Variants in SCUBE2 observed in about 807,000 individuals in gnomAD.
The protein encoded by SCUBE2 is signal peptide, CUB domain and EGF like domain containing 2.
A neutral mutation model predicts 125.9 loss-of-function variants in SCUBE2; 114 were observed. The ratio of observed to expected loss-of-function variants is 0.91; its 90% CI spans 0.78 to 1.06. SCUBE2 has a LOEUF of 1.06. Among genes scored for constraint, SCUBE2 ranks in the 50% least tolerant of loss-of-function variants. SCUBE2 has a pLI of 0.00. For missense variants in SCUBE2, 1,255 were observed against 1,301.8 expected (o/e 0.96, Z 0.55); for synonymous variants, 459 against 492.9 (o/e 0.93, Z 0.91).
At chr11:9,074,067 T>G (rs573258890) in intron 4 of SCUBE2, among the ~76,000 whole-genome samples, 65 of 152,288 alleles carry the variant, frequency 4.3e-4, no homozygotes, top group Middle Eastern at 3.4e-3. Context: ...ATTGAAAGTC[T>G]GCATGGGAAG....
At chr11:9,069,568 G>A in intron 4 of SCUBE2, 73 bp from the exon 5 acceptor site, 1 of 1,589,446 alleles carries the variant, frequency 6.3e-7, no homozygotes, top group Non-Finnish European at 8.6e-7. Context: ...GCGGCAAAGG[G>A]CTAAGGGGTG....
chr11:9,072,211 T>A (rs1564841603), intron 4 of SCUBE2, among the ~76,000 whole-genome samples: 1 of 152,116 alleles, frequency 6.6e-6, no homozygotes, highest in Non-Finnish European at 1.5e-5. Context: ...GTTTGTTTTG[T>A]TTGTTTTGTT....
chr11:9,045,618 C>T (rs865995979), intron 16 of SCUBE2, among the ~76,000 whole-genome samples: 1 of 132,960 alleles, frequency 7.5e-6, no homozygotes, highest in Non-Finnish European at 1.7e-5. Context: ...CAGACACACA[C>T]ACACACACAC....
intron 2 of SCUBE2, among the ~76,000 whole-genome samples, chr11:9,081,872 G>C (rs1401591495): frequency 6.6e-6 from 1 of 152,088 alleles, no homozygotes; most frequent in Non-Finnish European, 1.5e-5. Context: ...TGGGTCCTAT[G>C]GTAATTTTTT....
chr11:9,062,541 T>C (rs759460524), intron 7 of SCUBE2, among the ~76,000 whole-genome samples: 1 of 152,162 alleles, frequency 6.6e-6, no homozygotes, highest in African/African-American at 2.4e-5. Flanking sequence ...AAGCCTCTAA[T>C]ACGGAATGAA....
intron 4 of SCUBE2, 54 bp from the exon 5 acceptor site, chr11:9,069,549 C>G: frequency 6.2e-7 from 1 of 1,608,840 alleles, no homozygotes; most frequent in Non-Finnish European, 8.5e-7. Flanking sequence ...AATCCTGAGC[C>G]CTGGGAGAGC....
At chr11:9,023,090 A>T (rs890919998) in intron 21 of SCUBE2, among the ~76,000 whole-genome samples, 8 of 152,212 alleles carry the variant, frequency 5.3e-5, no homozygotes, top group Non-Finnish European at 1.0e-4. Context: ...TCCCCCTTTG[A>T]AGTCTAGCTT....
intron 10 of SCUBE2, 133 bp from the exon 11 acceptor site, chr11:9,053,892 T>G (rs1351948644): frequency 1.5e-5 from 16 of 1,099,540 alleles, no homozygotes; most frequent in Non-Finnish European, 1.9e-5. Context: ...ACTGAATGCC[T>G]TTAGCATGAG....
At chr11:9,049,664 C>T (rs1858153214) in intron 14 of SCUBE2, among the ~76,000 whole-genome samples, 1 of 152,128 alleles carries the variant, frequency 6.6e-6, no homozygotes, top group Admixed American at 6.5e-5. Context: ...TGCCTCCCAC[C>T]CAGATGTAAC....
At chr11:9,076,514 T>C (rs943549906) in intron 3 of SCUBE2, among the ~76,000 whole-genome samples, 3 of 151,760 alleles carry the variant, frequency 2.0e-5, no homozygotes, top group African/African-American at 7.3e-5. Context: ...AACTATTCAA[T>C]GCATGAACAA....
chr11:9,042,285 C>T (rs1242593263), intron 16 of SCUBE2, among the ~76,000 whole-genome samples: 1 of 152,122 alleles, frequency 6.6e-6, no homozygotes, highest in Non-Finnish European at 1.5e-5. Flanking sequence ...TGTGTCCCTT[C>T]TCTCTATCCC....
Position 9,053,568 on chromosome 11 carries a change from C to G in SCUBE2, c.1330+69G>C, listed in dbSNP as rs541461883. Reference sequence around the variant, plus strand: ...GACGGTCAGGTGGGATGTGGGAGCACGCAGAGCTGCACTGCCTCTGGGCCA... The same window carrying G: ...GACGGTCAGGTGGGATGTGGGAGCAGGCAGAGCTGCACTGCCTCTGGGCCA... On this transcript the variant is annotated intron_variant, in intron 11 of 22. Transcript: ENST00000649792. 1.9e-6 allele frequency: 3 copies of G among 1,577,610 alleles called. No individual in the cohort carries two copies. The East Asian group carries it at 6.7e-5, about 35-fold the overall frequency.
chr11:9,051,229 C>CTAT (rs1566200764), intron 13 of SCUBE2, among the ~76,000 whole-genome samples: 9 of 109,440 alleles, frequency 8.2e-5, no homozygotes, highest in East Asian at 3.3e-4. Flanking sequence ...TATCTATCTA[C>CTAT]CTACCTACCT....
chr11:9,065,750 C>T, intron 7 of SCUBE2, 141 bp downstream of exon 7: 1 of 674,320 alleles, frequency 1.5e-6, no homozygotes, highest in Non-Finnish European at 2.7e-6. Flanking sequence ...AGAACAGACA[C>T]ACACCCTGGT....
intron 18 of SCUBE2, among the ~76,000 whole-genome samples, 160 bp downstream of exon 18, chr11:9,030,598 T>C (rs1856218582): frequency 6.6e-6 from 1 of 152,212 alleles, no homozygotes; most frequent in African/African-American, 2.4e-5. Flanking sequence ...TGAGTTCCAG[T>C]GCCCCCTGCA....
chr11:9,027,773 G>A (rs1000406572), intron 19 of SCUBE2, among the ~76,000 whole-genome samples: 1 of 152,134 alleles, frequency 6.6e-6, no homozygotes, highest in Non-Finnish European at 1.5e-5. Flanking sequence ...CTGAGTTCCT[G>A]AGGCACTGTT....
chr11:9,022,317 G>T (rs578124570), intron 21 of SCUBE2, among the ~76,000 whole-genome samples: 1 of 151,638 alleles, frequency 6.6e-6, no homozygotes, highest in African/African-American at 2.4e-5. Flanking sequence ...CTCTCTATTC[G>T]TCTCTCCCAC....
At chr11:9,030,436 T>C (rs536950626) in intron 18 of SCUBE2, 13 of 407,476 alleles carry the variant, frequency 3.2e-5, no homozygotes, top group Non-Finnish European at 5.4e-5. Flanking sequence ...AGAAGGGGTA[T>C]TGGGGGGAAG....
chr11:9,025,521 C>T (rs1855645065), intron 21 of SCUBE2, 181 bp downstream of exon 21: 4 of 595,526 alleles, frequency 6.7e-6, no homozygotes, highest in Admixed American at 3.1e-5. Context: ...TCTTTTCCTC[C>T]TATTGTCAGT....
Sources: gnomAD v4.1 joint callset for allele counts (sites outside exome capture counted in the v4.1 genomes callset) on GRCh38, gnomAD v4.1.1 for gene constraint, MANE v1.5 for transcripts, NCBI Gene and HGNC (gene_info 2026-07-23, HGNC 2026-07-21) for gene names.